P2RY12: variants seen among roughly 807,000 people sequenced by gnomAD.
P2RY12 encodes the protein purinergic receptor P2Y12.
In P2RY12, 3 loss-of-function variants were observed where a neutral mutation model predicts 4.5. The ratio of observed to expected loss-of-function variants is 0.67; its 90% CI spans 0.31 to 1.74. The LOEUF is 1.74. P2RY12 is among the 40% of genes most tolerant of loss of function. P2RY12 has a pLI of 0.09. For missense variants in P2RY12, 356 were observed against 407.8 expected (o/e 0.87, Z 1.09); for synonymous variants, 148 against 154.1 (o/e 0.96, Z 0.29).
intron 1 of P2RY12, among the ~76,000 whole-genome samples, chr3:151,368,667 T>TCATGTCATG (rs1560087272): frequency 1.7e-5 from 1 of 58,114 alleles, no homozygotes; most frequent in African/African-American, 6.9e-5. Context: ...TTCATTTCAT[T>TCATGTCATG]TCATTTCATG....
At chr3:151,350,085 C>G (rs752489827) in intron 1 of P2RY12, 1 of 1,611,776 alleles carries the variant, frequency 6.2e-7, no homozygotes, top group Non-Finnish European at 8.5e-7. Context: ...ATGAATGTAA[C>G]CAGCGCACAA....
At chr3:151,371,032 G>A (rs542612608) in intron 1 of P2RY12, among the ~76,000 whole-genome samples, 28 of 152,322 alleles carry the variant, frequency 1.8e-4, no homozygotes, top group South Asian at 1.4e-3. Context: ...TATTGTCAAT[G>A]CAATTGCAGA....
intron 1 of P2RY12, among the ~76,000 whole-genome samples, chr3:151,380,703 G>T (rs1712136536): frequency 6.6e-6 from 1 of 151,656 alleles, no homozygotes. Flanking sequence ...GACACCACAA[G>T]ATTAACAACT....
chr3:151,373,322 C>T (rs1756412054), intron 1 of P2RY12, among the ~76,000 whole-genome samples: 1 of 152,122 alleles, frequency 6.6e-6, no homozygotes, highest in African/African-American at 2.4e-5. Flanking sequence ...TGTCCATTTG[C>T]ACCTCAAGGG....
chr3:151,373,358 T>C (rs907319485), intron 1 of P2RY12, among the ~76,000 whole-genome samples: 8 of 152,184 alleles, frequency 5.3e-5, no homozygotes, highest in Non-Finnish European at 7.4e-5. Context: ...TTAAGATGTT[T>C]CCATTGTATA....
intron 1 of P2RY12, among the ~76,000 whole-genome samples, chr3:151,362,757 C>A (rs927632102): frequency 6.6e-6 from 1 of 152,018 alleles, no homozygotes; most frequent in Non-Finnish European, 1.5e-5. Flanking sequence ...TAAGACAATT[C>A]ATGTTTTTAA....
chr3:151,384,619 A>C (rs558832041), intron 1 of P2RY12, 73 bp downstream of exon 1: 199 of 190,708 alleles, frequency 1.0e-3, no homozygotes, highest in Non-Finnish European at 1.3e-3. Context: ...TTAAAAAAAA[A>C]TTGTAAGAAA....
chr3:151,338,430 A>G lies in P2RY12; in HGVS notation c.416T>C (p.Leu139Ser). The G allele has an allele frequency of 6.2e-7, 1 of 1,614,080 alleles. No individual in the cohort carries two copies. Among genetic ancestry groups the G allele is most frequent in the Admixed American group, 1.7e-5 (1 of 59,984 alleles). ...GACAACAGAGAGAATCTTAGCCCCC[A>G]AGAGATTTTTGGGGTTGGATGTTTT... Reference protein sequence around the residue: ...PFKTSNPKNLLGAKILSVVIW... With the variant: ...PFKTSNPKNLSGAKILSVVIW... The change falls in exon 3 of 3, where the codon TTG becomes TCG. Residue 139 changes from leucine (L) to serine (S), a missense_variant. By Grantham distance (145) the Leu-to-Ser change is moderately radical. Transcript: ENST00000302632.
At chr3:151,339,885 G>A (rs1751584410) in intron 2 of P2RY12, among the ~76,000 whole-genome samples, 2 of 152,092 alleles carry the variant, frequency 1.3e-5, no homozygotes, top group Admixed American at 1.3e-4. Flanking sequence ...CCAGAGATAA[G>A]TGAAATTGAT....
intron 1 of P2RY12, among the ~76,000 whole-genome samples, chr3:151,358,735 T>C (rs1238306010): frequency 2.0e-5 from 3 of 152,322 alleles, no homozygotes; most frequent in East Asian, 3.9e-4. Context: ...TGCTTAAAAC[T>C]ATTATTTCAC....
intron 1 of P2RY12, among the ~76,000 whole-genome samples, chr3:151,358,347 A>G (rs945338237): frequency 2.6e-5 from 4 of 152,108 alleles, no homozygotes; most frequent in African/African-American, 9.7e-5. Context: ...TGAATTTAGT[A>G]TTATTTTACA....
chr3:151,355,724 G>A (rs989354150), intron 1 of P2RY12, among the ~76,000 whole-genome samples: 1 of 152,146 alleles, frequency 6.6e-6, no homozygotes, highest in Non-Finnish European at 1.5e-5. Context: ...TAGTTATGAA[G>A]AAATCATTTT....
chr3:151,372,814 T>G, intron 1 of P2RY12: 3 of 1,478,248 alleles, frequency 2.0e-6, no homozygotes, highest in Middle Eastern at 1.8e-4. Flanking sequence ...AACTCTTCTT[T>G]TGGAGAGAGC....
chr3:151,369,879 C>A (rs1755971730), intron 1 of P2RY12, among the ~76,000 whole-genome samples: 1 of 152,102 alleles, frequency 6.6e-6, no homozygotes, highest in Non-Finnish European at 1.5e-5. Context: ...TTGTGAGAGA[C>A]AGGGATGACT....
chr3:151,384,006 C>A, intron 1 of P2RY12: 2 of 1,518,140 alleles, frequency 1.3e-6, no homozygotes, highest in Non-Finnish European at 9.0e-7. Flanking sequence ...AAATTCTGTG[C>A]CTTGAATAAA....
chr3:151,343,055 TC>T (rs1752072022), intron 1 of P2RY12, among the ~76,000 whole-genome samples: 1 of 152,098 alleles, frequency 6.6e-6, no homozygotes, highest in South Asian at 2.1e-4. Flanking sequence ...TGAGAATCTT[TC>T]CCTATCACAC....
intron 1 of P2RY12, among the ~76,000 whole-genome samples, chr3:151,367,082 A>G (rs986372409): frequency 6.7e-6 from 1 of 150,318 alleles, no homozygotes; most frequent in Admixed American, 6.7e-5. Context: ...AAAGGTAAAG[A>G]TTTCACTGTG....
At chr3:151,381,036 G>T (rs1432611480) in intron 1 of P2RY12, among the ~76,000 whole-genome samples, 6 of 152,228 alleles carry the variant, frequency 3.9e-5, no homozygotes, top group Non-Finnish European at 2.9e-5. Flanking sequence ...ACCAAACACA[G>T]TTCTCCTGGT....
At chr3:151,368,745 A>T (rs1205824488) in intron 1 of P2RY12, among the ~76,000 whole-genome samples, 2 of 96,684 alleles carry the variant, frequency 2.1e-5, no homozygotes, top group African/African-American at 5.3e-5. Flanking sequence ...ATTTCATTTC[A>T]TTTCATGTCA....
Sources: gnomAD v4.1 joint callset for allele counts (sites outside exome capture counted in the v4.1 genomes callset) on GRCh38, gnomAD v4.1.1 for gene constraint, MANE v1.5 for transcripts, NCBI Gene and HGNC (gene_info 2026-07-23, HGNC 2026-07-21) for gene names.